The following NTRK1 variants were observed in gnomAD, a reference collection of about 807,000 sequenced individuals.
The protein encoded by NTRK1 is high affinity nerve growth factor receptor.
Under a neutral mutation model 86.8 loss-of-function variants are expected in NTRK1, and 62 were observed. The observed-to-expected ratio is 0.71, with a 90% CI of 0.58 to 0.88. The LOEUF is 0.88. Among genes scored for constraint, NTRK1 ranks in the 40% least tolerant of loss-of-function variants. NTRK1 has a pLI of 0.00. For missense variants in NTRK1, 967 were observed against 1,078.4 expected, an observed-to-expected ratio of 0.90 and a Z score of 1.45; for synonymous variants, 469 against 456.6, an observed-to-expected ratio of 1.03 and a Z score of -0.35.
At chr1:156,833,350 A>T (rs190079408) in intron 1 of NTRK1, among the ~76,000 whole-genome samples, 1 of 152,312 alleles carries the variant, frequency 6.6e-6, no homozygotes, top group Admixed American at 6.5e-5. Context: ...TGAGGTCAGG[A>T]GTTCGAGACC....
At position 156,881,464 on chromosome 1, in the gene NTRK1, A is replaced by G; in HGVS notation, c.2213A>G (p.Asp738Gly). The part of the protein sequence containing the change: ...WYQLSNTEAI[D>G]CITQGRELER... The stretch of plus-strand genomic sequence containing the variant: ...TCTCTCCGGTGGCCCCAGGCAATCG[A>G]CTGCATCACGCAGGGACGTGAGTTG... The change falls in exon 17 of 17, where the codon GAC (aspartate) becomes GGC (glycine). Residue 738 changes from aspartate to glycine, a missense_variant. Coordinates refer to ENST00000524377, the MANE Select transcript of NTRK1 (RefSeq NM_002529.4). 1 of 1,569,682 alleles carries G rather than the reference A, an allele frequency of 6.4e-7. No homozygotes were observed. The highest frequency in any genetic ancestry group is 1.2e-5 in the South Asian group (1 of 85,416).
intron 2 of NTRK1, chr1:156,842,560 G>T: frequency 6.8e-7 from 1 of 1,463,262 alleles, no homozygotes; most frequent in Non-Finnish European, 9.6e-7. Flanking sequence ...TGACCCATTT[G>T]GCCAAAATTC....
intron 2 of NTRK1, chr1:156,843,428 A>G (rs539556275): frequency 1.9e-6 from 3 of 1,614,030 alleles, no homozygotes; most frequent in South Asian, 2.2e-5. Flanking sequence ...CAGACCTACT[A>G]TCAGAGGCGC....
chr1:156,838,766 C>T (rs1177209279), intron 1 of NTRK1, among the ~76,000 whole-genome samples: 1 of 152,260 alleles, frequency 6.6e-6, no homozygotes, highest in African/African-American at 2.4e-5. Context: ...ATTTCTGAAG[C>T]CCTCTTTTCT....
chr1:156,829,211 A>G (rs954897503), intron 1 of NTRK1, among the ~76,000 whole-genome samples: 1 of 152,122 alleles, frequency 6.6e-6, no homozygotes, highest in African/African-American at 2.4e-5. Flanking sequence ...CGCTTTTGGA[A>G]GGCCTCTCCA....
chr1:156,828,046 G>C (rs1888863), intron 1 of NTRK1, among the ~76,000 whole-genome samples: 123,028 of 152,062 alleles, frequency 0.81, 49,937 homozygotes, highest in East Asian at 0.88. Context: ...CTCCTGGGCT[G>C]AAGCAATCCT....
At chr1:156,833,707 T>C (rs1470975263) in intron 1 of NTRK1, among the ~76,000 whole-genome samples, 1 of 152,252 alleles carries the variant, frequency 6.6e-6, no homozygotes, top group African/African-American at 2.4e-5. Flanking sequence ...CTCTGCTCTG[T>C]GAGGCTGGGG....
chr1:156,842,212 A>G, intron 2 of NTRK1: 1 of 1,614,022 alleles, frequency 6.2e-7, no homozygotes, highest in Non-Finnish European at 8.5e-7. Flanking sequence ...TGCCGTCTGC[A>G]ATCTCACCAG....
Position 156,854,101 on chromosome 1 carries a change from G to T in NTRK1, c.51-10253G>T, listed in dbSNP as rs767526572. 1.3e-5 allele frequency: 21 copies of T among 1,614,140 alleles called. No individual in the cohort carries two copies. The African/African-American group carries it at 1.9e-4, about 14-fold the overall frequency. Reference sequence around the variant, plus strand: ...GGATGACTGCTAGGTTGGGGAAGAGGTCGCGCAGGCTCTCCAGTCCGTAGA... The same window carrying T: ...GGATGACTGCTAGGTTGGGGAAGAGTTCGCGCAGGCTCTCCAGTCCGTAGA... On this transcript the variant is annotated intron_variant, in intron 2 of 16. Coordinates refer to the NTRK1 transcript ENST00000392302. The surrounding 1 kb of genome is among the most constrained non-coding windows in gnomAD (Gnocchi z 4.2).
chr1:156,846,548 G>A, intron 2 of NTRK1: 1 of 1,614,096 alleles, frequency 6.2e-7, no homozygotes, highest in Non-Finnish European at 8.5e-7. Context: ...GTAGACGATG[G>A]GACTCTGGGC....
intron 2 of NTRK1, chr1:156,842,280 A>G: frequency 6.2e-7 from 1 of 1,613,902 alleles, no homozygotes; most frequent in Non-Finnish European, 8.5e-7. Flanking sequence ...TTCTAGAGCC[A>G]AGATTGGGGG....
chr1:156,861,945 A>C lies in NTRK1; in HGVS notation c.212+799A>C, dbSNP rs144320543. Among the ~76,000 whole-genome samples, 360 of 152,328 alleles carry C rather than the reference A, an allele frequency of 2.4e-3. 2 individuals carry two copies. The highest frequency in any genetic ancestry group is 7.9e-3 in the African/African-American group (330 of 41,566). On this transcript the variant is annotated intron_variant, in intron 1 of 16. Transcript: ENST00000524377. ...TACTTTTTAGCAGCTGGTGAAACCT[A>C]TGGGAGTATGCGGTAATGACTGGCC...
chr1:156,849,270 G>C lies in NTRK1; in HGVS notation c.50+7077G>C, dbSNP rs1176849796. On this transcript the variant is annotated intron_variant, in intron 2 of 16. Transcript: ENST00000392302. ...CAGGCGGCGCGGTCTCCGTTGGTGCGGGGGTTGATCTCAGCCTTGTTCTGC... is the reference window on the plus strand; with the variant it reads ...CAGGCGGCGCGGTCTCCGTTGGTGCCGGGGTTGATCTCAGCCTTGTTCTGC... 5 of 1,613,924 alleles carry C rather than the reference G, an allele frequency of 3.1e-6. No individual in the cohort carries two copies. In the Admixed American group the frequency reaches 6.7e-5, roughly 22 times the overall value.
intron 1 of NTRK1, chr1:156,841,779 C>T (rs765835617): frequency 2.0e-5 from 33 of 1,613,980 alleles, no homozygotes; most frequent in African/African-American, 2.7e-5. Context: ...ATACACGTCC[C>T]GAGTCATCCC....
chr1:156,867,588 C>A (rs977084236), intron 4 of NTRK1, among the ~76,000 whole-genome samples: 2 of 152,234 alleles, frequency 1.3e-5, no homozygotes, highest in African/African-American at 4.8e-5. Flanking sequence ...CCGCCTCGGC[C>A]TCCCAAAGTG....
At chr1:156,846,522 C>T in intron 2 of NTRK1, 1 of 1,612,516 alleles carries the variant, frequency 6.2e-7, no homozygotes, top group South Asian at 1.1e-5. Flanking sequence ...TGCCTACCTG[C>T]AGGCAGCGTT....
At chr1:156,845,593 T>C (rs889667144) in intron 2 of NTRK1, 3 of 1,054,828 alleles carry the variant, frequency 2.8e-6, no homozygotes, top group African/African-American at 2.8e-5. Flanking sequence ...CATCAGACCC[T>C]CCCAGGCCGC....
At chr1:156,874,149 C>A (rs1262631466) in intron 8 of NTRK1, 190 bp downstream of exon 8, 1 of 869,416 alleles carries the variant, frequency 1.2e-6, no homozygotes, top group African/African-American at 1.7e-5. Context: ...AACTCCTGAG[C>A]TATTCCGTCC....
At chr1:156,818,417 T>TA (rs1245422886) in intron 1 of NTRK1, among the ~76,000 whole-genome samples, 1 of 152,196 alleles carries the variant, frequency 6.6e-6, no homozygotes, top group Non-Finnish European at 1.5e-5. Flanking sequence ...TCTGAGATTT[T>TA]AATGCACCTG....
Sources: gnomAD v4.1 joint callset for allele counts (sites outside exome capture counted in the v4.1 genomes callset) on GRCh38, gnomAD v4.1.1 for gene constraint, Gnocchi (gnomAD v3.1) non-coding constraint, MANE v1.5 for transcripts, NCBI Gene and HGNC (gene_info 2026-07-23, HGNC 2026-07-21) for gene names.